The following SV2C variants were observed in gnomAD, a reference collection of about 807,000 sequenced individuals.
SV2C encodes the protein synaptic vesicle glycoprotein 2C.
A neutral mutation model predicts 79.7 loss-of-function variants in SV2C; 49 were observed. The observed-to-expected ratio is 0.61, with a 90% CI of 0.49 to 0.78. SV2C has a LOEUF of 0.78. Among genes scored for constraint, SV2C ranks in the 30% least tolerant of loss-of-function variants. SV2C has a pLI of 0.00. For missense variants in SV2C, 833 were observed against 912.9 expected, an observed-to-expected ratio of 0.91 and a Z score of 1.13; for synonymous variants, 334 against 333.2, an observed-to-expected ratio of 1.00 and a Z score of -0.03.
At chr5:75,935,687 G>A in the SV2C span, among the ~76,000 whole-genome samples, 1 of 152,114 alleles carries the variant, frequency 6.6e-6, no homozygotes, top group Non-Finnish European at 1.5e-5. Flanking sequence ...AATAAATATA[G>A]TATTATACTG....
At chr5:75,930,421 T>C in the SV2C span, among the ~76,000 whole-genome samples, 6 of 152,234 alleles carry the variant, frequency 3.9e-5, no homozygotes, top group African/African-American at 9.6e-5. Context: ...AAATTTAAGA[T>C]TGAATTCAGT....
chr5:76,057,483 G>C, the SV2C span, among the ~76,000 whole-genome samples: 2 of 151,702 alleles, frequency 1.3e-5, no homozygotes, highest in African/African-American at 2.4e-5. Context: ...GTGGTGTTTG[G>C]TTTTCTGTGC....
At chr5:75,957,683 A>G in the SV2C span, among the ~76,000 whole-genome samples, 1 of 152,064 alleles carries the variant, frequency 6.6e-6, no homozygotes, top group Non-Finnish European at 1.5e-5. Context: ...GAAGTTGCAT[A>G]TGGCAAGTAC....
At position 76,279,614 on chromosome 5, in the gene SV2C, C is replaced by T. The variant is rs181471561; in HGVS notation, c.914-5548C>T. ...GACAAAGACTGGTGGCCTTGGTTAG[C>T]GCAGTTTCTGTGGAATTTGGGAACA... On this transcript the variant is annotated intron_variant, in intron 4 of 12. Coordinates refer to ENST00000502798, the MANE Select transcript of SV2C (RefSeq NM_014979.4). 1.5e-3 allele frequency among the ~76,000 whole-genome samples: 223 copies of T among 152,244 alleles called. 1 individual carries two copies. Among genetic ancestry groups the T allele is most frequent in the African/African-American group, 5.0e-3 (207 of 41,544 alleles).
chr5:75,854,466 C>T, the SV2C span, among the ~76,000 whole-genome samples: 2 of 152,154 alleles, frequency 1.3e-5, no homozygotes, highest in East Asian at 1.9e-4. Flanking sequence ...TTTCTTTAAA[C>T]TTGCATTTCC....
At chr5:76,096,394 C>T (rs1432324884) in intron 1 of SV2C, among the ~76,000 whole-genome samples, 1 of 152,150 alleles carries the variant, frequency 6.6e-6, no homozygotes, top group Non-Finnish European at 1.5e-5. Context: ...ATGCTGCTTA[C>T]ATCAACCACT....
the SV2C span, among the ~76,000 whole-genome samples, chr5:75,865,974 T>A: frequency 6.6e-6 from 1 of 152,174 alleles, no homozygotes; most frequent in Non-Finnish European, 1.5e-5. Flanking sequence ...ACAAAACCTG[T>A]TGTAACTCCT....
intron 12 of SV2C, among the ~76,000 whole-genome samples, chr5:76,348,998 C>T (rs749674535): frequency 4.0e-5 from 6 of 150,578 alleles, no homozygotes; most frequent in South Asian, 4.2e-4. Context: ...GACTCTGTCT[C>T]GAAAAAGAGA....
At position 76,327,405 on chromosome 5, in the gene SV2C, G is replaced by A. The variant is rs576003493; in HGVS notation, c.*1858G>A. On this transcript the variant is annotated 3_prime_UTR_variant, in exon 13 of 13. Transcript: ENST00000502798. ...AAGGCTAGACAAGATGCATTTGAAA[G>A]ATACCAACCGCACAGGGAAAGAAAC... 6.6e-6 allele frequency: 1 copy of A among 152,318 alleles called. No homozygotes were observed. The highest frequency in any genetic ancestry group is 1.9e-4 in the East Asian group (1 of 5,188). 9.4% of individuals were successfully genotyped at this position (152,318 alleles called of 1,614,324 possible).
At chr5:75,861,146 C>T in the SV2C span, among the ~76,000 whole-genome samples, 1 of 152,090 alleles carries the variant, frequency 6.6e-6, no homozygotes, top group East Asian at 1.9e-4. Flanking sequence ...ACAAATAACC[C>T]CATTAAAAAG....
At chr5:76,000,953 A>C in the SV2C span, among the ~76,000 whole-genome samples, 1 of 151,844 alleles carries the variant, frequency 6.6e-6, no homozygotes, top group Non-Finnish European at 1.5e-5. Context: ...CCAGGCTAAG[A>C]GTTTATGTGA....
intron 12 of SV2C, among the ~76,000 whole-genome samples, chr5:76,324,847 C>G (rs1429019740): frequency 6.6e-6 from 1 of 151,948 alleles, no homozygotes; most frequent in Non-Finnish European, 1.5e-5. Context: ...TAGCAAGACC[C>G]TATCTCTACA....
chr5:75,936,859 T>G, the SV2C span, among the ~76,000 whole-genome samples: 3 of 152,222 alleles, frequency 2.0e-5, no homozygotes, highest in African/African-American at 4.8e-5. Flanking sequence ...GTGTGTCAAA[T>G]GTTCGTTACC....
intron 4 of SV2C, among the ~76,000 whole-genome samples, chr5:76,213,690 A>T (rs1452415120): frequency 6.6e-6 from 1 of 152,210 alleles, no homozygotes; most frequent in Non-Finnish European, 1.5e-5. Context: ...TTGTGAAATG[A>T]TTACCACAAT....
chr5:76,209,854 T>C lies in SV2C; in HGVS notation c.880T>C (p.Ser294Pro), dbSNP rs1744717602. 1.2e-6 allele frequency: 2 copies of C among 1,614,078 alleles called. No homozygotes were observed. The highest frequency in any genetic ancestry group is 1.7e-6 in the Non-Finnish European group (2 of 1,179,952). ...MFWMIGGIYA[S>P]AMAWAIIPHY... ...CTGGATGATCGGTGGCATCTACGCC[T>C]CTGCCATGGCCTGGGCCATCATCCC... is the stretch of plus-strand genomic sequence containing the variant. The change falls in exon 4 of 13, where the codon TCT becomes CCT. Residue 294 changes from serine to proline, a missense_variant. Physicochemically the swap from Ser to Pro is moderately conservative, Grantham distance 74. Transcript: ENST00000502798.
the SV2C span, among the ~76,000 whole-genome samples, chr5:75,970,627 G>T: frequency 6.6e-6 from 1 of 152,162 alleles, no homozygotes; most frequent in East Asian, 1.9e-4. Flanking sequence ...AAACGAGGAA[G>T]AAGCTGAATC....
chr5:76,180,975 T>G (rs950071957), intron 2 of SV2C, among the ~76,000 whole-genome samples: 1 of 152,182 alleles, frequency 6.6e-6, no homozygotes, highest in African/African-American at 2.4e-5. Flanking sequence ...TTTCACTTAC[T>G]CTTGCAGGGA....
chr5:76,164,573 T>G (rs1742990927), intron 2 of SV2C, among the ~76,000 whole-genome samples: 1 of 152,212 alleles, frequency 6.6e-6, no homozygotes, highest in Non-Finnish European at 1.5e-5. Context: ...CTAAGCTGGT[T>G]TTTGGTCTTT....
At chr5:76,301,311 T>A (rs1747988999) in intron 11 of SV2C, 75 bp from the exon 12 acceptor site, 8 of 1,565,342 alleles carry the variant, frequency 5.1e-6, no homozygotes, top group African/African-American at 1.4e-5. Flanking sequence ...TCTTGAGCAA[T>A]CCCAAGGACC....
Sources: allele counts gnomAD v4.1 joint callset (sites outside exome capture counted in the v4.1 genomes callset), GRCh38; gene constraint gnomAD v4.1.1; transcripts MANE v1.5; gene names NCBI Gene and HGNC (gene_info 2026-07-23, HGNC 2026-07-21).